Variants in DOCK1 observed in about 807,000 individuals in gnomAD.
DOCK1 encodes the protein dedicator of cytokinesis protein 1.
In DOCK1, 138 loss-of-function variants were observed where a neutral mutation model predicts 262.7. The ratio of observed to expected loss-of-function variants is 0.53; its 90% CI spans 0.46 to 0.61. The LOEUF is 0.61. Among genes scored for constraint, DOCK1 ranks in the 20% least tolerant of loss-of-function variants. The probability of loss-of-function intolerance (pLI) is 0.00; values close to 1 mark genes in which losing one functional copy is unlikely to be tolerated. For synonymous variants in DOCK1, 866 were observed against 867.4 expected, an observed-to-expected ratio of 1.00 and a Z score of 0.03; for missense variants, 1,908 against 2,370.7, an observed-to-expected ratio of 0.80 and a Z score of 4.05.
At chr10:127,090,483 T>TA (rs1235834218) in intron 23 of DOCK1, among the ~76,000 whole-genome samples, 7 of 152,004 alleles carry the variant, frequency 4.6e-5, no homozygotes, top group African/African-American at 1.7e-4. Flanking sequence ...TTCCTGTTAA[T>TA]AATTTATTTC....
chr10:127,408,143 C>T (rs2067628587), intron 40 of DOCK1, among the ~76,000 whole-genome samples: 1 of 152,118 alleles, frequency 6.6e-6, no homozygotes, highest in Admixed American at 6.5e-5. Flanking sequence ...CAGAAATGAC[C>T]TCAACAAGAC....
At chr10:127,143,611 C>T (rs535041522) in intron 27 of DOCK1, among the ~76,000 whole-genome samples, 1 of 152,286 alleles carries the variant, frequency 6.6e-6, no homozygotes, top group East Asian at 1.9e-4. Context: ...CCCCAAAGCA[C>T]AACAATTTAT....
chr10:127,243,494 C>G (rs1437877394), intron 27 of DOCK1, among the ~76,000 whole-genome samples: 2 of 152,220 alleles, frequency 1.3e-5, no homozygotes, highest in East Asian at 3.9e-4. Flanking sequence ...TACCCAGCCT[C>G]AGTTCTACTT....
chr10:126,913,186 A>T (rs2032063813), intron 1 of DOCK1, among the ~76,000 whole-genome samples: 1 of 152,202 alleles, frequency 6.6e-6, no homozygotes, highest in African/African-American at 2.4e-5. Flanking sequence ...AAGTGTGATC[A>T]TTCTCCTGTG....
chr10:127,065,728 A>G (rs537432347), intron 23 of DOCK1, among the ~76,000 whole-genome samples: 1 of 152,032 alleles, frequency 6.6e-6, no homozygotes, highest in Admixed American at 6.6e-5. Flanking sequence ...CACATCACCT[A>G]CCTTGAGTGA....
chr10:127,398,778 A>C (rs923499466), intron 38 of DOCK1, among the ~76,000 whole-genome samples: 1 of 152,122 alleles, frequency 6.6e-6, no homozygotes, highest in African/African-American at 2.4e-5. Flanking sequence ...CGCCAGCCTG[A>C]ATTATTAGAA....
At chr10:127,048,311 G>T (rs1242225264) in intron 21 of DOCK1, among the ~76,000 whole-genome samples, 1 of 151,662 alleles carries the variant, frequency 6.6e-6, no homozygotes, top group East Asian at 1.9e-4. Context: ...TGAAATGTCT[G>T]TTCAAATCTC....
At chr10:127,302,260 T>C (rs942460334) in intron 29 of DOCK1, among the ~76,000 whole-genome samples, 5 of 151,862 alleles carry the variant, frequency 3.3e-5, no homozygotes, top group Admixed American at 6.6e-5. Flanking sequence ...TAGCCACCTG[T>C]TGGGGAGGTA....
rs1352594477 is a variant in DOCK1 at position 126,905,566 on chromosome 10, G to A, written c.46+3G>A. 1 of 419,866 alleles carries A rather than the reference G, an allele frequency of 2.4e-6. No homozygotes were observed. The highest frequency in any genetic ancestry group is 4.0e-5 in the Admixed American group (1 of 24,838). 26.0% of individuals were successfully genotyped at this position (419,866 alleles called of 1,614,324 possible). A position where few individuals can be genotyped will look rare whatever the true frequency, so the allele number is the denominator to read the frequency against. On this transcript the variant is annotated splice_donor_region_variant and intron_variant, in intron 1 of 51. Transcript: ENST00000623213. ...GCGCGAGGAGAAGTACGGCGTGGGT[G>A]AGCAGCGCCGCCGCCGCCGCGCCTC...
At chr10:127,168,877 C>T (rs943961326) in intron 27 of DOCK1, among the ~76,000 whole-genome samples, 1 of 152,158 alleles carries the variant, frequency 6.6e-6, no homozygotes, top group South Asian at 2.1e-4. Context: ...CTTAAATAGT[C>T]CCCTTATGCT....
At chr10:127,149,745 C>T (rs1324774330) in intron 27 of DOCK1, among the ~76,000 whole-genome samples, 2 of 152,164 alleles carry the variant, frequency 1.3e-5, no homozygotes, top group Non-Finnish European at 2.9e-5. Context: ...TGTGATGGCC[C>T]CACGTGTTCT....
intron 18 of DOCK1, among the ~76,000 whole-genome samples, chr10:127,036,050 G>C (rs982023422): frequency 8.2e-6 from 1 of 121,766 alleles, no homozygotes; most frequent in East Asian, 2.9e-4. Flanking sequence ...AAATAAAAAA[G>C]AGTAGAGTGC....
At chr10:127,120,795 A>G (rs1001231047) in intron 25 of DOCK1, among the ~76,000 whole-genome samples, 2 of 152,228 alleles carry the variant, frequency 1.3e-5, no homozygotes, top group African/African-American at 4.8e-5. Flanking sequence ...TCACATGCTC[A>G]GAAGTTTCCA....
chr10:127,414,683 A>C (rs1342275419), intron 43 of DOCK1, among the ~76,000 whole-genome samples: 4 of 152,152 alleles, frequency 2.6e-5, no homozygotes, highest in African/African-American at 9.7e-5. Context: ...TTAAAGTTTA[A>C]AATACCGACT....
chr10:127,289,956 T>C (rs2135356612), intron 29 of DOCK1, among the ~76,000 whole-genome samples: 1 of 152,268 alleles, frequency 6.6e-6, no homozygotes, highest in Non-Finnish European at 1.5e-5. Flanking sequence ...TTTACTTTTG[T>C]ATTTCTTTCT....
At chr10:127,110,405 A>T (rs755643943) in intron 25 of DOCK1, 51 bp downstream of exon 25, 9 of 1,515,714 alleles carry the variant, frequency 5.9e-6, no homozygotes, top group Non-Finnish European at 8.1e-6. Flanking sequence ...TATTTTCTGA[A>T]GACATTGACC....
chr10:127,081,432 C>G (rs866082912), intron 23 of DOCK1, among the ~76,000 whole-genome samples: 1 of 151,158 alleles, frequency 6.6e-6, no homozygotes, highest in Non-Finnish European at 1.5e-5. Context: ...ACCTTTCATA[C>G]GTTTAATGCT....
rs962916035 is a variant in DOCK1 at position 127,407,163 on chromosome 10, A to C, written c.4123-1874A>C. 5.9e-5 allele frequency among the ~76,000 whole-genome samples: 9 copies of C among 152,192 alleles called. 1 individual carries two copies. Among genetic ancestry groups the C allele is most frequent in the African/African-American group, 2.2e-4 (9 of 41,436 alleles). On this transcript the variant is annotated intron_variant, in intron 40 of 51. Transcript: ENST00000623213. ...TTAGCGATTTAGGAGAACTCAGAAT[A>C]AGCTGGGGCAAGGGAAGGGGACTGT...
At chr10:127,303,427 G>A (rs2061759217) in intron 29 of DOCK1, among the ~76,000 whole-genome samples, 1 of 152,072 alleles carries the variant, frequency 6.6e-6, no homozygotes, top group East Asian at 1.9e-4. Flanking sequence ...GAGGAGCCTG[G>A]CTAACATTTA....
Sources: allele counts gnomAD v4.1 joint callset (sites outside exome capture counted in the v4.1 genomes callset), GRCh38; gene constraint gnomAD v4.1.1; transcripts MANE v1.5; gene names NCBI Gene and HGNC (gene_info 2026-07-23, HGNC 2026-07-21).